ERG: variants seen among roughly 807,000 people sequenced by gnomAD.
ERG encodes ETS transcription factor ERG.
In ERG, 9 loss-of-function variants were observed where a neutral mutation model predicts 55.3. The ratio of observed to expected loss-of-function variants is 0.16; its 90% confidence interval spans 0.10 to 0.28. The LOEUF (loss-of-function observed/expected upper bound fraction) is 0.28, where lower values mean the gene tolerates loss of function less well. Ranked by LOEUF, ERG falls within the 10% of genes least tolerant of loss-of-function variation. The probability of loss-of-function intolerance (pLI) is 1.00; values close to 1 mark genes in which losing one functional copy is unlikely to be tolerated. For missense variants in ERG, 434 were observed against 631.6 expected (o/e 0.69, Z 3.35); for synonymous variants, 223 against 237.3 (o/e 0.94, Z 0.55).
At position 38,429,649 on chromosome 21, in the gene ERG, A is replaced by C. The variant is rs1395746467; in HGVS notation, c.237-6088T>G. ...TATGTGTATATATACATGTATACAC[A>C]TGTACATATATACATATATGTGTAT... is the stretch of plus-strand genomic sequence containing the variant. On this transcript the variant is annotated intron_variant, in intron 2 of 9. Coordinates refer to ENST00000288319, the MANE Select transcript of ERG (RefSeq NM_182918.4). Among the ~76,000 whole-genome samples, 2 of 148,910 alleles carry C rather than the reference A, an allele frequency of 1.3e-5. 1 individual carries two copies. Among genetic ancestry groups the C allele is most frequent in the African/African-American group, 5.0e-5 (2 of 39,864 alleles).
chr21:38,396,174 A>G (rs964293348), intron 6 of ERG, among the ~76,000 whole-genome samples: 5 of 152,196 alleles, frequency 3.3e-5, no homozygotes, highest in Non-Finnish European at 7.3e-5. Context: ...GTGAAATGAA[A>G]AAAAAAGTTT....
At chr21:38,559,049 C>T (rs1348836888) in intron 2 of ERG, among the ~76,000 whole-genome samples, 1 of 152,186 alleles carries the variant, frequency 6.6e-6, no homozygotes, top group African/African-American at 2.4e-5. Flanking sequence ...ACCGGTGCCT[C>T]AGGCTGGAGG....
At chr21:38,404,736 C>T (rs1056554621) in intron 3 of ERG, among the ~76,000 whole-genome samples, 2 of 152,138 alleles carry the variant, frequency 1.3e-5, no homozygotes, top group African/African-American at 4.8e-5. Context: ...TCTCAGTTCC[C>T]GGGACAAGCC....
chr21:38,400,411 A>G, intron 6 of ERG, 163 bp downstream of exon 6: 1 of 748,672 alleles, frequency 1.3e-6, no homozygotes, highest in East Asian at 2.5e-5. Flanking sequence ...AAATGGTTTG[A>G]GTGGATTTAG....
intron 1 of ERG, 127 bp from the exon 2 acceptor site, chr21:38,445,748 T>C: frequency 2.9e-6 from 2 of 693,996 alleles, no homozygotes; most frequent in Non-Finnish European, 2.5e-6. Context: ...TCTCCATTTC[T>C]ACCTTTCAGA....
intron 1 of ERG, among the ~76,000 whole-genome samples, chr21:38,578,407 C>A (rs1372606207): frequency 6.6e-6 from 1 of 152,170 alleles, no homozygotes; most frequent in Non-Finnish European, 1.5e-5. Context: ...ATGCTTTTTG[C>A]CACATAACTT....
intron 2 of ERG, among the ~76,000 whole-genome samples, chr21:38,424,880 G>T (rs1263700536): frequency 6.6e-6 from 1 of 152,208 alleles, no homozygotes; most frequent in Non-Finnish European, 1.5e-5. Context: ...GATAGGGAAG[G>T]AACTGTGTGG....
chr21:38,647,703 A>T (rs1342785401), intron 1 of ERG, among the ~76,000 whole-genome samples: 1 of 152,232 alleles, frequency 6.6e-6, no homozygotes, highest in Non-Finnish European at 1.5e-5. Context: ...ACACAGAAAT[A>T]CTAAGTTTTC....
chr21:38,530,426 A>G (rs1196400705), intron 2 of ERG, among the ~76,000 whole-genome samples: 1 of 152,212 alleles, frequency 6.6e-6, no homozygotes, highest in Non-Finnish European at 1.5e-5. Context: ...CATTTGAAAA[A>G]GGGATTTACT....
Position 38,433,654 on chromosome 21 carries a change from G to T in ERG, c.237-10093C>A, listed in dbSNP as rs183447766. ...TGACAAGCATGGAGCCTCAGCCCTT[G>T]TGAGTGTGAATGGGCCTCATTTATC... On this transcript the variant is annotated intron_variant, in intron 2 of 9. Coordinates refer to ENST00000288319, the MANE Select transcript of ERG (RefSeq NM_182918.4). Among the ~76,000 whole-genome samples the T allele has an allele frequency of 8.6e-5, 13 of 151,798 alleles. No individual in the cohort carries two copies. The East Asian group carries it at 1.5e-3, about 18-fold the overall frequency.
At chr21:38,392,107 A>C (rs747958076) in intron 7 of ERG, among the ~76,000 whole-genome samples, 82 of 152,254 alleles carry the variant, frequency 5.4e-4, no homozygotes, top group Non-Finnish European at 9.6e-4. Context: ...CCGATTATTT[A>C]ATGTGTACTC....
chr21:38,384,834 GA>G (rs768892765), intron 9 of ERG, among the ~76,000 whole-genome samples: 1,746 of 126,316 alleles, frequency 0.014, 20 homozygotes, highest in African/African-American at 0.038. Flanking sequence ...GGAAGTTTAG[GA>G]AAAAAAAAAA....
chr21:38,649,229 G>A (rs556422339), intron 1 of ERG, among the ~76,000 whole-genome samples: 1 of 152,326 alleles, frequency 6.6e-6, no homozygotes, highest in East Asian at 1.9e-4. Context: ...ACCGAGGGCT[G>A]CGGCAGGCAG....
intron 2 of ERG, among the ~76,000 whole-genome samples, chr21:38,443,632 G>A (rs551081425): frequency 3.2e-4 from 48 of 152,268 alleles, no homozygotes; most frequent in Non-Finnish European, 5.9e-4. Context: ...CAGAAACATT[G>A]TATCAAATGC....
chr21:38,424,222 C>A (rs1430331824), intron 2 of ERG, among the ~76,000 whole-genome samples: 1 of 151,342 alleles, frequency 6.6e-6, no homozygotes, highest in East Asian at 1.9e-4. Context: ...CTCTCTCTCT[C>A]TCTGCCATGT....
At chr21:38,409,915 T>G (rs1413591784) in intron 3 of ERG, among the ~76,000 whole-genome samples, 1 of 152,224 alleles carries the variant, frequency 6.6e-6, no homozygotes, top group Non-Finnish European at 1.5e-5. Flanking sequence ...CACAGAAAAC[T>G]TGGTGATGAA....
At chr21:38,642,215 A>T (rs187312028) in intron 1 of ERG, among the ~76,000 whole-genome samples, 4 of 152,378 alleles carry the variant, frequency 2.6e-5, no homozygotes, top group Admixed American at 2.6e-4. Context: ...TATATATAAT[A>T]TGATCCCCTT....
At chr21:38,457,222 G>A (rs534601502) in intron 1 of ERG, among the ~76,000 whole-genome samples, 7 of 152,276 alleles carry the variant, frequency 4.6e-5, no homozygotes, top group South Asian at 2.1e-4. Flanking sequence ...AGACCACGAG[G>A]TCAGGAGATG....
rs145760470 is a variant in ERG, at chr21:38,398,241, CT to C, written c.745+2332del. Among the ~76,000 whole-genome samples the C allele has an allele frequency of 9.2e-3, 1,398 of 152,246 alleles. 13 individuals are homozygous for C. Among genetic ancestry groups the C allele is most frequent in the African/African-American group, 0.032 (1,329 of 41,550 alleles). Reference sequence around the variant, plus strand: ...TCATTCTCCAGTTGCAGGTTCACAGCTTTTATCTCCACAGGAGCAGTCCTTT... The same window carrying C: ...TCATTCTCCAGTTGCAGGTTCACAGCTTTATCTCCACAGGAGCAGTCCTTT... On this transcript the variant is annotated intron_variant, in intron 6 of 9. Coordinates refer to ENST00000288319, the MANE Select transcript of ERG (RefSeq NM_182918.4).
Sources: gnomAD v4.1 joint callset for allele counts (sites outside exome capture counted in the v4.1 genomes callset) on GRCh38, gnomAD v4.1.1 for gene constraint, MANE v1.5 for transcripts, NCBI Gene and HGNC (gene_info 2026-07-23, HGNC 2026-07-21) for gene names.